TTLL5: variants seen among roughly 807,000 people sequenced by gnomAD.
The protein encoded by TTLL5 is tubulin tyrosine ligase like 5.
Under a neutral mutation model 168.4 loss-of-function variants are expected in TTLL5, and 132 were observed. The ratio of observed to expected loss-of-function variants is 0.78; its 90% CI spans 0.68 to 0.91. TTLL5 has a LOEUF of 0.91. Among genes scored for constraint, TTLL5 ranks in the 40% least tolerant of loss-of-function variants. TTLL5 has a pLI of 0.00. For missense variants in TTLL5, 1,545 were observed against 1,581.5 expected (o/e 0.98, Z 0.39); for synonymous variants, 546 against 558.6 (o/e 0.98, Z 0.32).
intron 23 of TTLL5, among the ~76,000 whole-genome samples, chr14:75,778,034 A>G (rs1891822433): frequency 6.6e-6 from 1 of 152,130 alleles, no homozygotes; most frequent in Admixed American, 6.5e-5. Flanking sequence ...TTTAAAGCTA[A>G]AAGATAATTT....
At chr14:75,675,092 T>A (rs994676152) in intron 3 of TTLL5, among the ~76,000 whole-genome samples, 1 of 152,202 alleles carries the variant, frequency 6.6e-6, no homozygotes, top group Non-Finnish European at 1.5e-5. Flanking sequence ...GCAAATTGTT[T>A]AAAATAGGAT....
At chr14:75,694,536 G>C (rs766785614) in intron 6 of TTLL5, among the ~76,000 whole-genome samples, 9 of 152,210 alleles carry the variant, frequency 5.9e-5, no homozygotes, top group Admixed American at 6.5e-5. Flanking sequence ...GTTTCACCAT[G>C]TTGGCCAGGC....
chr14:75,776,757 A>G lies in TTLL5; in HGVS notation c.2294A>G (p.Gln765Arg). The G allele has an allele frequency of 2.5e-6, 4 of 1,613,870 alleles. No individual in the cohort carries two copies. The highest frequency in any genetic ancestry group is 3.4e-6 in the Non-Finnish European group (4 of 1,179,826). ...FIIVYNKETE[Q>R]MAEKKSKKKV... ...TTGGGCACTGGGTAGGAAACAGAAC[A>G]AATGGCTGAAAAGAAATCAAAGAAG... Residue 765 changes from glutamine (Q) to arginine (R), a missense_variant, in exon 23 of 32, where the codon CAA (glutamine) becomes CGA (arginine). By Grantham distance (43) the Gln-to-Arg change is conservative (BLOSUM62 1). Coordinates refer to ENST00000298832, the MANE Select transcript of TTLL5 (RefSeq NM_015072.5).
intron 31 of TTLL5, among the ~76,000 whole-genome samples, chr14:75,914,490 A>C (rs1297994013): frequency 1.3e-5 from 2 of 152,138 alleles, no homozygotes; most frequent in Non-Finnish European, 2.9e-5. Flanking sequence ...TAAAAAATGC[A>C]TTTTATTATT....
At chr14:75,857,004 A>C (rs186005245) in intron 28 of TTLL5, among the ~76,000 whole-genome samples, 2 of 152,342 alleles carry the variant, frequency 1.3e-5, no homozygotes, top group East Asian at 3.9e-4. Context: ...TTGTTTATGG[A>C]CCATGATTAC....
At chr14:75,828,505 G>A (rs564860626) in intron 28 of TTLL5, among the ~76,000 whole-genome samples, 290 of 152,246 alleles carry the variant, frequency 1.9e-3, no homozygotes, top group Non-Finnish European at 2.8e-3. Context: ...TATACCATAT[G>A]TGTTAATTAC....
intron 18 of TTLL5, among the ~76,000 whole-genome samples, chr14:75,758,371 A>G (rs1890415596): frequency 6.6e-6 from 1 of 152,224 alleles, no homozygotes; most frequent in African/African-American, 2.4e-5. Flanking sequence ...TTAAGGGAAA[A>G]CTGAGATAAA....
At chr14:75,665,675 A>G (rs1218536080) in intron 2 of TTLL5, among the ~76,000 whole-genome samples, 1 of 152,186 alleles carries the variant, frequency 6.6e-6, no homozygotes, top group East Asian at 1.9e-4. Flanking sequence ...CCTGGCCAAT[A>G]TGGTGAAACC....
intron 15 of TTLL5, among the ~76,000 whole-genome samples, chr14:75,736,103 C>T (rs1261500621): frequency 6.6e-6 from 1 of 152,188 alleles, no homozygotes; most frequent in African/African-American, 2.4e-5. Flanking sequence ...TTCTATATTA[C>T]ATTGTTTTGC....
intron 20 of TTLL5, among the ~76,000 whole-genome samples, chr14:75,769,281 G>C (rs1891140665): frequency 2.0e-5 from 3 of 152,168 alleles, no homozygotes; most frequent in African/African-American, 7.2e-5. Context: ...AGGCTACTTA[G>C]GGGTTTGGGG....
intron 29 of TTLL5, among the ~76,000 whole-genome samples, chr14:75,867,557 C>A (rs765474846): frequency 3.3e-5 from 5 of 151,826 alleles, no homozygotes; most frequent in African/African-American, 1.2e-4. Context: ...GTCAGGAGTT[C>A]GAGACCAGCC....
intron 6 of TTLL5, 128 bp from the exon 7 acceptor site, chr14:75,699,060 C>A: frequency 2.6e-6 from 2 of 759,122 alleles, no homozygotes; most frequent in South Asian, 1.6e-5. Context: ...TACTGCCCAA[C>A]ACTTAGAAAT....
Position 75,695,427 on chromosome 14 carries a change from C to T in TTLL5, c.503-3761C>T, listed in dbSNP as rs564794288. On this transcript the variant is annotated intron_variant, in intron 6 of 31. Transcript: ENST00000298832. ...TTAGTTTTGCCTGGTCCTGTGATCT[C>T]ACTCTGCCCCCATTTGCCTTGTGAT... Among the ~76,000 whole-genome samples the T allele has an allele frequency of 3.3e-5, 5 of 152,286 alleles. No individual in the cohort carries two copies. The East Asian group carries it at 9.6e-4, about 29-fold the overall frequency.
At position 75,863,849 on chromosome 14, in the gene TTLL5, GAGCCCGGCAC is replaced by G. The variant is rs2030237603; in HGVS notation, c.3510_3519del (p.Ala1171ArgfsTer17). Reference sequence around the variant, plus strand: ...TCCCGGCAGCTCCTGGACCAGAGTCGAGCCCGGCACCAGGTAATTCAAGATAAGTCTTTTC... The same window carrying G: ...TCCCGGCAGCTCCTGGACCAGAGTCGCAGGTAATTCAAGATAAGTCTTTTC... On this transcript the variant is annotated frameshift_variant, in exon 29 of 32. Transcript: ENST00000298832. LOFTEE classifies it high-confidence loss of function. 1 of 1,514,942 alleles carries G rather than the reference GAGCCCGGCAC, an allele frequency of 6.6e-7. No individual in the cohort carries two copies. Among genetic ancestry groups the G allele is most frequent in the Non-Finnish European group, 8.9e-7 (1 of 1,123,478 alleles). 93.8% of individuals were successfully genotyped at this position (1,514,942 alleles called of 1,614,324 possible).
chr14:75,854,113 ATCTTTGTTAAC>A (rs1897015041), intron 28 of TTLL5, among the ~76,000 whole-genome samples: 1 of 152,102 alleles, frequency 6.6e-6, no homozygotes, highest in African/African-American at 2.4e-5. Context: ...AATTTTATAT[ATCTTTGTTAAC>A]CACCATGCAA....
At chr14:75,714,863 T>G (rs1887321894) in intron 9 of TTLL5, among the ~76,000 whole-genome samples, 1 of 152,236 alleles carries the variant, frequency 6.6e-6, no homozygotes, top group South Asian at 2.1e-4. Flanking sequence ...GCATTTCTGC[T>G]TTCAGACCCT....
intron 2 of TTLL5, among the ~76,000 whole-genome samples, chr14:75,663,687 A>G (rs888383860): frequency 6.6e-6 from 1 of 152,222 alleles, no homozygotes; most frequent in African/African-American, 2.4e-5. Flanking sequence ...CTGAGGCAGG[A>G]TATTAGAGTT....
chr14:75,827,977 A>G (rs1366146120), intron 28 of TTLL5, among the ~76,000 whole-genome samples: 2 of 151,958 alleles, frequency 1.3e-5, no homozygotes, highest in Non-Finnish European at 2.9e-5. Flanking sequence ...TCAGTCTCCC[A>G]AAGTGCTGGG....
chr14:75,829,590 G>A (rs1198274394), intron 28 of TTLL5, among the ~76,000 whole-genome samples: 1 of 149,056 alleles, frequency 6.7e-6, no homozygotes, highest in Non-Finnish European at 1.5e-5. Flanking sequence ...AACACAGAAA[G>A]CGAGTGATTT....
Sources: gnomAD v4.1 joint callset for allele counts (sites outside exome capture counted in the v4.1 genomes callset) on GRCh38, gnomAD v4.1.1 for gene constraint, MANE v1.5 for transcripts, NCBI Gene and HGNC (gene_info 2026-07-23, HGNC 2026-07-21) for gene names.